The following LARP1B variants were observed in gnomAD, a reference collection of about 807,000 sequenced individuals.
LARP1B encodes the protein la-related protein 1B.
A neutral mutation model predicts 114.2 loss-of-function variants in LARP1B; 76 were observed. The observed-to-expected ratio is 0.67, with a 90% CI of 0.55 to 0.81. The LOEUF (loss-of-function observed/expected upper bound fraction) is 0.81. LARP1B is among the 30% of genes least tolerant of loss of function. The pLI is 0.00. For synonymous variants in LARP1B, 345 were observed against 348.0 expected, an observed-to-expected ratio of 0.99 and a Z score of 0.10; for missense variants, 1,014 against 1,075.8, an observed-to-expected ratio of 0.94 and a Z score of 0.80.
chr4:128,126,822 T>TAA (rs774845131), intron 11 of LARP1B, among the ~76,000 whole-genome samples: 2,579 of 150,346 alleles, frequency 0.017, 57 homozygotes, highest in East Asian at 0.091. Context: ...GTTTTTTTTT[T>TAA]AAAAAAAGGT....
At chr4:128,083,723 C>T (rs1158404947) in intron 5 of LARP1B, among the ~76,000 whole-genome samples, 1 of 146,592 alleles carries the variant, frequency 6.8e-6, no homozygotes, top group Non-Finnish European at 1.5e-5. Context: ...GGCAGAGGGG[C>T]TCCTCACTTC....
Position 128,121,940 on chromosome 4 carries a change from A to ACCC in LARP1B, c.1276_1277insCCC (p.Asn426delinsThrHis). The stretch of plus-strand genomic sequence containing the variant: ...AGAGATTGAACAAATAGGACGAAAA[A>ACCC]ACACATTTACTGATTGGTCTGATAA... On this transcript the variant is annotated protein_altering_variant, in exon 11 of 20. Transcript: ENST00000326639. 1 of 1,612,892 alleles carries ACCC rather than the reference A, an allele frequency of 6.2e-7. No individual in the cohort carries two copies. Among genetic ancestry groups the ACCC allele is most frequent in the Non-Finnish European group, 8.5e-7 (1 of 1,179,970 alleles).
chr4:128,118,082 ATTTTTTTTTTTTT>A (rs34699544), intron 10 of LARP1B, among the ~76,000 whole-genome samples: 2 of 76,736 alleles, frequency 2.6e-5, no homozygotes, highest in Admixed American at 1.9e-4. Context: ...GGCCCGGCTA[ATTTTTTTTTTTTT>A]TTTTTTTTTT....
intron 15 of LARP1B, among the ~76,000 whole-genome samples, chr4:128,186,036 G>A (rs1366832788): frequency 6.6e-6 from 1 of 152,118 alleles, no homozygotes; most frequent in African/African-American, 2.4e-5. Flanking sequence ...ATTGGTCTAT[G>A]TGTCTGCTTT....
intron 11 of LARP1B, among the ~76,000 whole-genome samples, chr4:128,154,931 G>A (rs745337533): frequency 8.6e-5 from 13 of 151,858 alleles, no homozygotes; most frequent in Middle Eastern, 6.8e-3. Flanking sequence ...CCACCACCAC[G>A]CCCAGCTAAT....
chr4:128,147,765 T>TA (rs1288850262), intron 11 of LARP1B, among the ~76,000 whole-genome samples: 2 of 151,696 alleles, frequency 1.3e-5, no homozygotes, highest in African/African-American at 2.4e-5. Flanking sequence ...TGGCCAGTAG[T>TA]AAAAAAAAGA....
At chr4:128,083,216 C>T (rs1168673400) in intron 5 of LARP1B, among the ~76,000 whole-genome samples, 1 of 152,218 alleles carries the variant, frequency 6.6e-6, no homozygotes, top group East Asian at 1.9e-4. Context: ...ATGTCTACTA[C>T]TTTCCACACA....
intron 12 of LARP1B, among the ~76,000 whole-genome samples, chr4:128,176,192 A>AT (rs1226788534): frequency 7.0e-6 from 1 of 143,032 alleles, no homozygotes; most frequent in African/African-American, 2.5e-5. Flanking sequence ...ATATAAATAT[A>AT]TTTTTATATA....
chr4:128,161,178 A>C (rs1400853406), intron 11 of LARP1B, among the ~76,000 whole-genome samples: 1 of 152,180 alleles, frequency 6.6e-6, no homozygotes, highest in Non-Finnish European at 1.5e-5. Context: ...AGTTTAGGCC[A>C]GACATAGAGG....
intron 15 of LARP1B, among the ~76,000 whole-genome samples, chr4:128,199,141 A>G (rs567807251): frequency 3.3e-5 from 5 of 152,372 alleles, no homozygotes; most frequent in Admixed American, 6.5e-5. Context: ...ACTAATCTAA[A>G]TGAAATTAAT....
chr4:128,103,584 A>C (rs889820210), intron 8 of LARP1B, among the ~76,000 whole-genome samples: 3 of 137,332 alleles, frequency 2.2e-5, no homozygotes. Flanking sequence ...TTTTTTTGAG[A>C]CAGAGTCTCA....
At chr4:128,068,131 C>T (rs972902012) in intron 1 of LARP1B, among the ~76,000 whole-genome samples, 12 of 152,140 alleles carry the variant, frequency 7.9e-5, no homozygotes, top group Non-Finnish European at 1.6e-4. Flanking sequence ...CCACCCGCCT[C>T]GGCCTCCCAA....
chr4:128,123,044 TA>T (rs1286175480), intron 11 of LARP1B: 1 of 985,258 alleles, frequency 1.0e-6, no homozygotes, highest in Non-Finnish European at 1.2e-6. Flanking sequence ...TGGTTGGAAA[TA>T]AAGTTGTAGG....
intron 12 of LARP1B, among the ~76,000 whole-genome samples, chr4:128,172,803 T>C (rs917610058): frequency 6.6e-6 from 1 of 152,334 alleles, no homozygotes; most frequent in Non-Finnish European, 1.5e-5. Flanking sequence ...AGTTGTCCCA[T>C]ACTTCACTAA....
chr4:128,072,331 ATGCTC>A (rs1765697866), intron 1 of LARP1B, among the ~76,000 whole-genome samples: 1 of 152,108 alleles, frequency 6.6e-6, no homozygotes. Context: ...TAGTGAAATA[ATGCTC>A]AAAAAAGATG....
At chr4:128,088,592 A>T (rs1774613174) in intron 5 of LARP1B, among the ~76,000 whole-genome samples, 1 of 152,146 alleles carries the variant, frequency 6.6e-6, no homozygotes, top group Non-Finnish European at 1.5e-5. Flanking sequence ...TTTCCAGCAC[A>T]CAAGTACAAG....
chr4:128,178,931 A>C (rs1747386897), intron 14 of LARP1B, among the ~76,000 whole-genome samples: 1 of 152,090 alleles, frequency 6.6e-6, no homozygotes, highest in African/African-American at 2.4e-5. Context: ...CATCTCTAAA[A>C]AAATACAAAA....
chr4:128,170,872 C>CTTTTTT (rs70966085), intron 12 of LARP1B, among the ~76,000 whole-genome samples: 8 of 95,004 alleles, frequency 8.4e-5, no homozygotes, highest in Admixed American at 3.1e-4. Context: ...TTTTTCTTTT[C>CTTTTTT]TTTTTTTTTT....
chr4:128,079,718 C>T (rs200587245), intron 4 of LARP1B, among the ~76,000 whole-genome samples: 1 of 151,946 alleles, frequency 6.6e-6, no homozygotes, highest in Non-Finnish European at 1.5e-5. Context: ...CATGTGCCAC[C>T]ATGCCTGGCT....
Sources: gnomAD v4.1 joint callset for allele counts (sites outside exome capture counted in the v4.1 genomes callset) on GRCh38, gnomAD v4.1.1 for gene constraint, MANE v1.5 for transcripts, NCBI Gene and HGNC (gene_info 2026-07-23, HGNC 2026-07-21) for gene names.